RALGAPB: variants seen among roughly 807,000 people sequenced by gnomAD.
The protein encoded by RALGAPB is ral GTPase-activating protein subunit beta.
RALGAPB carries 25 observed loss-of-function variants against 161.1 expected under a neutral mutation model. The observed-to-expected ratio is 0.16, with a 90% CI of 0.11 to 0.22. The LOEUF is 0.22. Among genes scored for constraint, RALGAPB ranks in the 10% least tolerant of loss-of-function variants. The pLI, the probability that RALGAPB is intolerant of heterozygous loss-of-function variation, is 1.00. For synonymous variants in RALGAPB, 629 were observed against 626.1 expected (o/e 1.00, Z -0.07); for missense variants, 1,391 against 1,815.2 (o/e 0.77, Z 4.25).
chr20:38,543,714 C>T (rs2087056634), intron 18 of RALGAPB, among the ~76,000 whole-genome samples: 1 of 152,196 alleles, frequency 6.6e-6, no homozygotes. Flanking sequence ...TGCTCTTCCC[C>T]TGGGTTTCAG....
At chr20:38,553,277 A>G (rs1169937955) in intron 21 of RALGAPB, among the ~76,000 whole-genome samples, 1 of 152,206 alleles carries the variant, frequency 6.6e-6, no homozygotes, top group Non-Finnish European at 1.5e-5. Flanking sequence ...GGAACTTTAA[A>G]CAAGGATTGA....
chr20:38,521,389 A>T (rs1409970125), intron 9 of RALGAPB, 108 bp from the exon 10 acceptor site: 2 of 1,502,148 alleles, frequency 1.3e-6, no homozygotes, highest in African/African-American at 2.8e-5. Flanking sequence ...CACTTATTGG[A>T]TTCAAGTAGC....
chr20:38,528,440 T>TTC, intron 13 of RALGAPB, among the ~76,000 whole-genome samples: 2 of 151,902 alleles, frequency 1.3e-5, no homozygotes, highest in African/African-American at 4.8e-5. Context: ...GGTGCAATCA[T>TTC]GGGTCACTGC....
intron 9 of RALGAPB, among the ~76,000 whole-genome samples, chr20:38,519,526 A>G (rs2123105281): frequency 6.6e-6 from 1 of 152,252 alleles, no homozygotes; most frequent in Admixed American, 6.5e-5. Context: ...GAACTTATAG[A>G]TCTTTTTGCT....
At chr20:38,535,562 A>G (rs2086778864) in intron 16 of RALGAPB, among the ~76,000 whole-genome samples, 1 of 150,454 alleles carries the variant, frequency 6.6e-6, no homozygotes, top group Non-Finnish European at 1.5e-5. Flanking sequence ...GCCATCCTCC[A>G]TTATCAGAGA....
chr20:38,501,185 A>G (rs1332894053), intron 5 of RALGAPB, among the ~76,000 whole-genome samples: 3 of 152,224 alleles, frequency 2.0e-5, no homozygotes, highest in Non-Finnish European at 2.9e-5. Flanking sequence ...TAGGACTTCT[A>G]TAGCTAGAGA....
intron 1 of RALGAPB, among the ~76,000 whole-genome samples, chr20:38,481,796 GT>G (rs2084978807): frequency 6.6e-6 from 1 of 152,204 alleles, no homozygotes; most frequent in Non-Finnish European, 1.5e-5. Flanking sequence ...GTTAATAGCT[GT>G]TTATTGAATA....
intron 15 of RALGAPB, among the ~76,000 whole-genome samples, chr20:38,533,795 G>C (rs1236056718): frequency 1.3e-5 from 2 of 152,084 alleles, no homozygotes; most frequent in Non-Finnish European, 2.9e-5. Flanking sequence ...GTATTCTATA[G>C]GTTGAAAATT....
intron 6 of RALGAPB, among the ~76,000 whole-genome samples, chr20:38,509,494 G>A (rs1339944424): frequency 6.6e-6 from 1 of 152,210 alleles, no homozygotes; most frequent in Non-Finnish European, 1.5e-5. Flanking sequence ...CCAGGCTGAT[G>A]ATCTTTCTCT....
At chr20:38,537,397 G>A (rs969073436) in intron 16 of RALGAPB, among the ~76,000 whole-genome samples, 1 of 152,162 alleles carries the variant, frequency 6.6e-6, no homozygotes, top group Non-Finnish European at 1.5e-5. Context: ...CCAGCACTTT[G>A]GGAGGCTGAG....
chr20:38,519,411 A>G (rs1157009767), intron 9 of RALGAPB, among the ~76,000 whole-genome samples: 2 of 152,038 alleles, frequency 1.3e-5, no homozygotes, highest in African/African-American at 4.8e-5. Context: ...TTTTGTTAAG[A>G]TGTAATTCTT....
intron 3 of RALGAPB, among the ~76,000 whole-genome samples, chr20:38,496,047 C>T (rs949276499): frequency 1.3e-5 from 2 of 152,136 alleles, no homozygotes; most frequent in African/African-American, 2.4e-5. Context: ...TATTCTTCTT[C>T]AAGTAAGCCA....
chr20:38,543,196 G>A (rs778746378), intron 18 of RALGAPB, among the ~76,000 whole-genome samples: 7 of 152,160 alleles, frequency 4.6e-5, no homozygotes, highest in South Asian at 2.1e-4. Context: ...ATCATGAAAC[G>A]TGTCTCTAAC....
rs2086120573 is a variant in RALGAPB, at chr20:38,516,290, A to G, written c.971A>G (p.Gln324Arg). ...AGCGGAATGCCGCAAGAATTGAATC[A>G]GTATCCCTGCCTTAAACATCTGCCT... ...NVSGMPQELN[Q>R]YPCLKHLPQI... The change falls in exon 7 of 30, where the codon CAG (glutamine) becomes CGG (arginine). Residue 324 changes from glutamine (Q) to arginine (R), a missense_variant. By Grantham distance (43) the Gln-to-Arg change is conservative. Coordinates refer to ENST00000262879, the MANE Select transcript of RALGAPB (RefSeq NM_020336.4). 1 of 1,613,892 alleles carries G rather than the reference A, an allele frequency of 6.2e-7. No individual in the cohort carries two copies. Among genetic ancestry groups the G allele is most frequent in the Non-Finnish European group, 8.5e-7 (1 of 1,179,876 alleles).
intron 1 of RALGAPB, among the ~76,000 whole-genome samples, chr20:38,484,884 G>C (rs565494247): frequency 6.6e-6 from 1 of 152,154 alleles, no homozygotes; most frequent in East Asian, 1.9e-4. Flanking sequence ...TAGTAGAGTT[G>C]GGGTTTTTCC....
At chr20:38,564,278 A>C (rs2087902878) in intron 24 of RALGAPB, among the ~76,000 whole-genome samples, 1 of 152,186 alleles carries the variant, frequency 6.6e-6, no homozygotes, top group African/African-American at 2.4e-5. Context: ...TAGATTATAC[A>C]TTGTCTATGA....
At chr20:38,567,073 G>T (rs771870938) in intron 25 of RALGAPB, 23 bp from the exon 26 acceptor site, 1 of 1,608,792 alleles carries the variant, frequency 6.2e-7, no homozygotes, top group Non-Finnish European at 8.5e-7. Flanking sequence ...TATTATAGTT[G>T]CTTTTTTTCC....
intron 5 of RALGAPB, among the ~76,000 whole-genome samples, chr20:38,505,402 T>G (rs1248737073): frequency 6.6e-6 from 1 of 152,100 alleles, no homozygotes; most frequent in Non-Finnish European, 1.5e-5. Flanking sequence ...GACATAAAGA[T>G]GACAACATTA....
chr20:38,531,671 C>G (rs559417302), intron 14 of RALGAPB, among the ~76,000 whole-genome samples: 1 of 152,314 alleles, frequency 6.6e-6, no homozygotes, highest in Non-Finnish European at 1.5e-5. Flanking sequence ...AAATGCTTCT[C>G]AGAGACTTCC....
Sources: gnomAD v4.1 joint callset for allele counts (sites outside exome capture counted in the v4.1 genomes callset) on GRCh38, gnomAD v4.1.1 for gene constraint, MANE v1.5 for transcripts, NCBI Gene and HGNC (gene_info 2026-07-23, HGNC 2026-07-21) for gene names.